TMEM181: variants seen among roughly 807,000 people sequenced by gnomAD.
TMEM181 encodes the protein transmembrane protein 181, also known as G protein-coupled receptor 178.
A neutral mutation model predicts 71.9 loss-of-function variants in TMEM181; 39 were observed. The observed-to-expected ratio is 0.54, with a 90% CI of 0.42 to 0.71. The LOEUF (loss-of-function observed/expected upper bound fraction) is 0.71, where lower values mean the gene tolerates loss of function less well. TMEM181 is among the 30% of genes least tolerant of loss of function. The pLI is 0.00. For synonymous variants in TMEM181, 245 were observed against 228.8 expected, an observed-to-expected ratio of 1.07 and a Z score of -0.64; for missense variants, 595 against 583.0, an observed-to-expected ratio of 1.02 and a Z score of -0.21.
Position 158,617,267 on chromosome 6 carries a change from G to C in TMEM181, c.897-6283G>C, listed in dbSNP as rs546102267. Among the ~76,000 whole-genome samples, 41 of 152,214 alleles carry C rather than the reference G, an allele frequency of 2.7e-4. 1 individual carries two copies. In the South Asian group the frequency reaches 7.7e-3, roughly 28 times the overall value. On this transcript the variant is annotated intron_variant, in intron 10 of 16. Coordinates refer to ENST00000684151, the MANE Select transcript of TMEM181 (RefSeq NM_001376852.1). ...TTCTTCCAGATTTTCTAGTTTATTT[G>C]AGTAGAGGTGTTTATAGTACTCTCT...
chr6:158,585,345 G>A lies in TMEM181; in HGVS notation c.301G>A (p.Asp101Asn), dbSNP rs780952559. The A allele has an allele frequency of 6.8e-6, 11 of 1,609,146 alleles. No individual in the cohort carries two copies. Among genetic ancestry groups the A allele is most frequent in the Non-Finnish European group, 9.3e-6 (11 of 1,178,882 alleles). Residue 101 changes from aspartate to asparagine, a missense_variant, in exon 5 of 17, where the codon GAT (aspartate) becomes AAT (asparagine). Coordinates refer to ENST00000684151, the MANE Select transcript of TMEM181 (RefSeq NM_001376852.1). ...AAGCTTTCCCATGACTGTTAAAGTC[G>A]ATGGTGTAGCTCAAGATGGAACCAC... is the stretch of plus-strand genomic sequence containing the variant. The part of the protein sequence containing the change: ...KTSFPMTVKV[D>N]GVAQDGTTMY...
At chr6:158,622,143 G>A (rs1785998661) in intron 10 of TMEM181, among the ~76,000 whole-genome samples, 1 of 152,178 alleles carries the variant, frequency 6.6e-6, no homozygotes. Flanking sequence ...CCTCCCCAGC[G>A]CCTGCCCTCT....
chr6:158,619,193 T>C (rs1234683232), intron 10 of TMEM181, among the ~76,000 whole-genome samples: 4 of 152,222 alleles, frequency 2.6e-5, no homozygotes, highest in African/African-American at 7.2e-5. Context: ...TGTTCGTTTC[T>C]TTTTACTCTT....
intron 1 of TMEM181, among the ~76,000 whole-genome samples, chr6:158,540,471 A>G (rs144056474): frequency 6.6e-6 from 1 of 152,340 alleles, no homozygotes; most frequent in Non-Finnish European, 1.5e-5. Context: ...GTAGCCAGAT[A>G]CTAAAAAATA....
rs910751118 is a variant in TMEM181 at position 158,573,592 on chromosome 6, A to C, written c.112+69A>C. On this transcript the variant is annotated intron_variant, in intron 2 of 16. Coordinates refer to ENST00000684151, the MANE Select transcript of TMEM181 (RefSeq NM_001376852.1). The stretch of plus-strand genomic sequence containing the variant: ...TGGCCCTGGCGTATTGCTTTCGGTC[A>C]GCCCAGCTGTGCCCCTATCTTCCAC... 4 of 1,341,156 alleles carry C rather than the reference A, an allele frequency of 3.0e-6. No individual in the cohort carries two copies. The Admixed American group carries it at 6.0e-5, about 20-fold the overall frequency. 83.1% of individuals were successfully genotyped at this position (1,341,156 alleles called of 1,614,324 possible).
At position 158,631,842 on chromosome 6, in the gene TMEM181, G is replaced by A. The variant is rs753491613; in HGVS notation, c.1382G>A (p.Gly461Asp). The change falls in exon 17 of 17, where the codon GGC becomes GAC. Residue 461 changes from glycine to aspartate, a missense_variant. Gly to Asp is a moderately conservative substitution (Grantham distance 94). Transcript: ENST00000684151. ...TATGAGGAAATGCCGCTGCAGAACG[G>A]CCAGGCCATCCGGGCCAAGTACAAG... is the stretch of plus-strand genomic sequence containing the variant. ...SDYEEMPLQN[G>D]QAIRAKYKEE... 2.7e-5 allele frequency: 43 copies of A among 1,601,022 alleles called. No homozygotes were observed. Among genetic ancestry groups the A allele is most frequent in the Non-Finnish European group, 3.5e-5 (41 of 1,173,580 alleles).
At chr6:158,626,544 C>T (rs1786285073) in intron 13 of TMEM181, 2 of 456,362 alleles carry the variant, frequency 4.4e-6, no homozygotes, top group Non-Finnish European at 4.4e-6. Context: ...GGAGTCCCCA[C>T]CTTGTGGAGG....
At chr6:158,584,094 C>T (rs780589152) in intron 4 of TMEM181, 50 bp downstream of exon 4, 45 of 1,473,840 alleles carry the variant, frequency 3.1e-5, no homozygotes, top group South Asian at 2.3e-4. Context: ...GAAGAAACAT[C>T]GTATTTTAGA....
At chr6:158,572,449 C>CAG (rs1263132200) in intron 1 of TMEM181, 1 of 456,748 alleles carries the variant, frequency 2.2e-6, no homozygotes, top group South Asian at 1.5e-5. Flanking sequence ...GCAAAACAGA[C>CAG]AGCGCCGCAC....
At chr6:158,564,652 C>T (rs772945591) in intron 1 of TMEM181, among the ~76,000 whole-genome samples, 26 of 152,260 alleles carry the variant, frequency 1.7e-4, no homozygotes, top group African/African-American at 3.6e-4. Flanking sequence ...TGATTCCACC[C>T]GCACCTGCCA....
chr6:158,579,371 A>C (rs966552958), intron 2 of TMEM181, among the ~76,000 whole-genome samples: 7 of 152,166 alleles, frequency 4.6e-5, no homozygotes, highest in African/African-American at 1.7e-4. Flanking sequence ...TGACAGATAA[A>C]TGGACAGAGG....
chr6:158,565,966 G>A (rs1266386503), intron 1 of TMEM181, among the ~76,000 whole-genome samples: 1 of 152,230 alleles, frequency 6.6e-6, no homozygotes, highest in Non-Finnish European at 1.5e-5. Context: ...GAGACAGGAG[G>A]TTTTCTATGC....
At position 158,586,501 on chromosome 6, in the gene TMEM181, G is replaced by A. The variant is rs549071517; in HGVS notation, c.381+1076G>A. ...AGAAGAAGAAACTGAGGCTTAGAGA[G>A]GTCTAAACCATTGCCCAAGGTAACG... On this transcript the variant is annotated intron_variant, in intron 5 of 16. Coordinates refer to ENST00000684151, the MANE Select transcript of TMEM181 (RefSeq NM_001376852.1). Among the ~76,000 whole-genome samples, 8 of 152,328 alleles carry A rather than the reference G, an allele frequency of 5.3e-5. No homozygotes were observed. In the South Asian group the frequency reaches 1.4e-3, roughly 28 times the overall value.
At chr6:158,618,924 T>G (rs1327607632) in intron 10 of TMEM181, among the ~76,000 whole-genome samples, 1 of 152,224 alleles carries the variant, frequency 6.6e-6, no homozygotes, top group Non-Finnish European at 1.5e-5. Flanking sequence ...CCCTTAACAT[T>G]TTTTCGTTCA....
intron 1 of TMEM181, chr6:158,537,010 G>C (rs1781138988): frequency 5.0e-6 from 2 of 400,718 alleles, no homozygotes; most frequent in African/African-American, 4.3e-5. Flanking sequence ...ATGGGGACGG[G>C]GTCGGGGCGG....
At chr6:158,602,524 A>G (rs537218814) in intron 6 of TMEM181, among the ~76,000 whole-genome samples, 6 of 152,312 alleles carry the variant, frequency 3.9e-5, no homozygotes, top group South Asian at 2.1e-4. Context: ...TATCCCGTCA[A>G]TGCTCGGTAC....
rs1414774988 is a variant in TMEM181 at position 158,633,470 on chromosome 6, T to G, written c.*1582T>G. Reference sequence around the variant, plus strand: ...TGTGGGCAACCTGACTGATGCCGTCTTGGCAATTGAGGTCCAGAAGATGAT... The same window carrying G: ...TGTGGGCAACCTGACTGATGCCGTCGTGGCAATTGAGGTCCAGAAGATGAT... On this transcript the variant is annotated 3_prime_UTR_variant, in exon 17 of 17. Transcript: ENST00000684151. 12 of 152,258 alleles carry G rather than the reference T, an allele frequency of 7.9e-5. No individual in the cohort carries two copies. The highest frequency in any genetic ancestry group is 7.8e-4 in the Admixed American group (12 of 15,292). The allele number at this position is 152,258 out of a possible 1,614,324, so 9.4% of individuals were successfully genotyped here.
chr6:158,624,129 T>C (rs1786130831), intron 11 of TMEM181, among the ~76,000 whole-genome samples: 1 of 152,204 alleles, frequency 6.6e-6, no homozygotes, highest in Non-Finnish European at 1.5e-5. Flanking sequence ...TTTGAGGCCC[T>C]GTCACTGTGG....
Position 158,633,373 on chromosome 6 carries a change from G to A in TMEM181, c.*1485G>A, listed in dbSNP as rs1039380053. ...TCCTTTCAGTCAGGGACTCCATATA[G>A]AGTCTCATGTGGACGTCTCCCGTGC... On this transcript the variant is annotated 3_prime_UTR_variant, in exon 17 of 17. Transcript: ENST00000684151. 1 of 152,266 alleles carries A rather than the reference G, an allele frequency of 6.6e-6. No individual in the cohort carries two copies. Among genetic ancestry groups the A allele is most frequent in the South Asian group, 2.1e-4 (1 of 4,824 alleles). The allele number at this position is 152,266 out of a possible 1,614,324, so 9.4% of individuals were successfully genotyped here.
Sources: allele counts gnomAD v4.1 joint callset (sites outside exome capture counted in the v4.1 genomes callset), GRCh38; gene constraint gnomAD v4.1.1; transcripts MANE v1.5; gene names NCBI Gene and HGNC (gene_info 2026-07-23, HGNC 2026-07-21).